The following SCN8A variants were observed in gnomAD, a reference collection of about 807,000 sequenced individuals.
SCN8A encodes the protein sodium channel protein type 8 subunit alpha.
A neutral mutation model predicts 184.1 loss-of-function variants in SCN8A; 30 were observed. The ratio of observed to expected loss-of-function variants is 0.16; its 90% CI spans 0.12 to 0.22. The LOEUF (loss-of-function observed/expected upper bound fraction) is 0.22, where lower values mean the gene tolerates loss of function less well. Among genes scored for constraint, SCN8A ranks in the 10% least tolerant of loss-of-function variants. The probability of loss-of-function intolerance (pLI) is 1.00; values close to 1 mark genes in which losing one functional copy is unlikely to be tolerated. For synonymous variants in SCN8A, 852 were observed against 907.0 expected, an observed-to-expected ratio of 0.94 and a Z score of 1.09; for missense variants, 1,057 against 2,498.9, an observed-to-expected ratio of 0.42 and a Z score of 12.30.
chr12:51,705,368 C>T (rs1011327880), intron 9 of SCN8A, 49 bp from the exon 10 acceptor site: 2 of 1,584,312 alleles, frequency 1.3e-6, no homozygotes, highest in Non-Finnish European at 1.7e-6. Flanking sequence ...TGTTTTCAGC[C>T]CGGTTCATTT....
At position 51,806,457 on chromosome 12, in the gene SCN8A, G is replaced by C; in HGVS notation, c.4971G>C (p.Leu1657=). 6.2e-7 allele frequency: 1 copy of C among 1,614,186 alleles called. No homozygotes were observed. Among genetic ancestry groups the C allele is most frequent in the Non-Finnish European group, 8.5e-7 (1 of 1,180,034 alleles). The part of the protein sequence containing the change: ...SLPALFNIGL[L]LFLVMFIFSI... ...CTGCCCTGTTCAACATCGGCCTTCT[G>C]CTCTTCCTGGTCATGTTCATCTTCT... Residue 1657 remains leucine (L), a synonymous_variant, in exon 27 of 27, where the codon CTG becomes CTC. Transcript: ENST00000627620. This position sits in a 1 kb window ranked among gnomAD's most constrained non-coding sequence, Gnocchi z 8.7.
At chr12:51,735,815 T>C (rs566687923) in intron 12 of SCN8A, among the ~76,000 whole-genome samples, 4 of 152,326 alleles carry the variant, frequency 2.6e-5, no homozygotes, top group South Asian at 4.1e-4. Flanking sequence ...GGTGTCTTGA[T>C]GGTATCCAAA....
Position 51,762,960 on chromosome 12 carries a change from A to T in SCN8A, c.2544+284A>T, listed in dbSNP as rs137993696. Among the ~76,000 whole-genome samples, 475 of 152,306 alleles carry T rather than the reference A, an allele frequency of 3.1e-3. 4 individuals are homozygous for T. Among genetic ancestry groups the T allele is most frequent in the Admixed American group, 0.02 (306 of 15,300 alleles). ...TCTAAGATGATAAGTGAAAAATAAG[A>T]CCCAAGACAATAGATGAAGAAAATG... On this transcript the variant is annotated intron_variant, in intron 15 of 26. Transcript: ENST00000627620.
At chr12:51,724,472 C>G (rs1184981385) in intron 12 of SCN8A, among the ~76,000 whole-genome samples, 2 of 152,014 alleles carry the variant, frequency 1.3e-5, no homozygotes, top group African/African-American at 4.8e-5. Context: ...CAAAACAAAA[C>G]AAAACAAAAA....
Position 51,807,205 on chromosome 12 carries a change from C to G in SCN8A, c.5719C>G (p.Arg1907Gly). 6.2e-7 allele frequency: 1 copy of G among 1,613,858 alleles called. No individual in the cohort carries two copies. Among genetic ancestry groups the G allele is most frequent in the South Asian group, 1.1e-5 (1 of 91,068 alleles). Residue 1907 changes from arginine to glycine, a missense_variant, in exon 27 of 27, where the codon CGG (arginine) becomes GGG (glycine). Coordinates refer to ENST00000627620, the MANE Select transcript of SCN8A (RefSeq NM_001330260.2). This position sits in a 1 kb window ranked among gnomAD's most constrained non-coding sequence, Gnocchi z 4.5. ...TGCAGTGGTCCTGCAGCGTGCCTAC[C>G]GGGGACATTTGGCAAGGCGGGGCTT... ...VSAVVLQRAY[R>G]GHLARRGFIC...
At chr12:51,786,369 G>A (rs1232784452) in intron 21 of SCN8A, among the ~76,000 whole-genome samples, 173 bp from the exon 22 acceptor site, 1 of 152,192 alleles carries the variant, frequency 6.6e-6, no homozygotes, top group Non-Finnish European at 1.5e-5. Flanking sequence ...TATAGTCCTA[G>A]ACTTAGAAAT....
chr12:51,770,716 G>T (rs1565918887), intron 19 of SCN8A, 33 bp downstream of exon 19: 1 of 1,608,424 alleles, frequency 6.2e-7, no homozygotes, highest in East Asian at 2.2e-5. Context: ...AGGAGGGATT[G>T]GCTGGGGAAG....
chr12:51,756,199 G>T (rs1426079503), intron 14 of SCN8A, among the ~76,000 whole-genome samples: 1 of 152,018 alleles, frequency 6.6e-6, no homozygotes, highest in African/African-American at 2.4e-5. Context: ...TCGTCACCCT[G>T]CTCATGCTGC....
At chr12:51,593,352 A>G (rs1939273699) in intron 1 of SCN8A, among the ~76,000 whole-genome samples, 1 of 152,154 alleles carries the variant, frequency 6.6e-6, no homozygotes, top group Non-Finnish European at 1.5e-5. Flanking sequence ...GGTATTGCAA[A>G]GCAGTTCATA....
intron 26 of SCN8A, among the ~76,000 whole-genome samples, chr12:51,800,196 A>T (rs1238633918): frequency 6.6e-6 from 1 of 152,230 alleles, no homozygotes; most frequent in Non-Finnish European, 1.5e-5. Context: ...ACAGGAATGG[A>T]GAAAAAGGCA....
chr12:51,655,190 A>G (rs993377645), intron 1 of SCN8A, among the ~76,000 whole-genome samples: 1 of 152,086 alleles, frequency 6.6e-6, no homozygotes. Context: ...TTTGTAAGGC[A>G]TGAGCTACTG....
chr12:51,596,482 A>G (rs935287129), intron 1 of SCN8A, among the ~76,000 whole-genome samples: 1 of 152,184 alleles, frequency 6.6e-6, no homozygotes, highest in African/African-American at 2.4e-5. Context: ...TTTCTGTTAA[A>G]TGGTGTTATA....
intron 22 of SCN8A, 163 bp from the exon 23 acceptor site, chr12:51,788,532 G>A: frequency 2.4e-6 from 1 of 424,872 alleles, no homozygotes; most frequent in Non-Finnish European, 4.2e-6. Flanking sequence ...AAGCCCTCCT[G>A]GGACCTGTAG....
chr12:51,699,795 G>C lies in SCN8A; in HGVS notation c.928+4G>C, dbSNP rs1174096883. Reference sequence around the variant, plus strand: ...GAAGAGTATATCAACAATAAAAGTAGGTGGCCTCTTCTCTGCAAGAGGAAT... The same window carrying C: ...GAAGAGTATATCAACAATAAAAGTACGTGGCCTCTTCTCTGCAAGAGGAAT... On this transcript the variant is annotated splice_donor_region_variant and intron_variant, in intron 7 of 26. Transcript: ENST00000627620. 2.5e-6 allele frequency: 4 copies of C among 1,607,448 alleles called. No homozygotes were observed. The highest frequency in any genetic ancestry group is 3.4e-6 in the Non-Finnish European group (4 of 1,175,736).
At chr12:51,727,546 G>T (rs917869945) in intron 12 of SCN8A, among the ~76,000 whole-genome samples, 5 of 152,132 alleles carry the variant, frequency 3.3e-5, no homozygotes, top group African/African-American at 1.2e-4. Context: ...GTGCAGCTGA[G>T]CCTGTAACAA....
intron 11 of SCN8A, among the ~76,000 whole-genome samples, chr12:51,710,717 T>C (rs1298793417): frequency 4.6e-5 from 7 of 152,202 alleles, no homozygotes; most frequent in African/African-American, 1.7e-4. Flanking sequence ...TGCCCTATTT[T>C]TCTGTCTTTG....
At chr12:51,770,745 G>A in intron 19 of SCN8A, 62 bp downstream of exon 19, 1 of 1,562,388 alleles carries the variant, frequency 6.4e-7, no homozygotes, top group Non-Finnish European at 8.8e-7. Context: ...GAAGCCAGTG[G>A]GAAAAGGCTG....
In SCN8A at chr12:51,807,483, G is replaced by A; in HGVS notation, c.*54G>A. On this transcript the variant is annotated 3_prime_UTR_variant, in exon 27 of 27. Transcript: ENST00000627620. This position sits in a 1 kb window ranked among gnomAD's most constrained non-coding sequence, Gnocchi z 4.5. ...ATCTAAAACTCGCAAGTGAAAGATT[G>A]TTTACAAACTTCCTGAATATTATCA... is the stretch of plus-strand genomic sequence containing the variant. The A allele has an allele frequency of 6.6e-7, 1 of 1,521,898 alleles. No individual in the cohort carries two copies. Among genetic ancestry groups the A allele is most frequent in the Non-Finnish European group, 8.9e-7 (1 of 1,118,324 alleles). 94.3% of individuals were successfully genotyped at this position (1,521,898 alleles called of 1,614,324 possible).
chr12:51,618,517 AAAAAGGC>A (rs1592332463), intron 1 of SCN8A, among the ~76,000 whole-genome samples: 2 of 151,524 alleles, frequency 1.3e-5, no homozygotes, highest in East Asian at 3.9e-4. Flanking sequence ...ACAGAAAGAA[AAAAAGGC>A]AAAACTCTGC....
Sources: allele counts gnomAD v4.1 joint callset (sites outside exome capture counted in the v4.1 genomes callset), GRCh38; gene constraint gnomAD v4.1.1; non-coding constraint Gnocchi (gnomAD v3.1); transcripts MANE v1.5; gene names NCBI Gene and HGNC (gene_info 2026-07-23, HGNC 2026-07-21).